The following GREB1 variants were observed in gnomAD, a reference collection of about 807,000 sequenced individuals.
GREB1 encodes the protein protein GREB1.
In GREB1, 106 loss-of-function variants were observed where a neutral mutation model predicts 200.7. The ratio of observed to expected loss-of-function variants is 0.53; its 90% CI spans 0.45 to 0.62. The LOEUF is 0.62. Ranked by LOEUF, GREB1 falls within the 20% of genes least tolerant of loss-of-function variation. GREB1 has a pLI of 0.00. For synonymous variants in GREB1, 1,132 were observed against 1,092.4 expected (o/e 1.04, Z -0.72); for missense variants, 2,243 against 2,556.8 (o/e 0.88, Z 2.65).
Position 11,618,762 on chromosome 2 carries a change from G to T in GREB1, c.3887G>T (p.Arg1296Leu). The T allele has an allele frequency of 1.2e-6, 2 of 1,612,786 alleles. No individual in the cohort carries two copies. The highest frequency in any genetic ancestry group is 8.5e-7 in the Non-Finnish European group (1 of 1,179,790). ...TCGGTCATGTGGGCCAGCTCTTTCC[G>T]CCCCCTGCTCAGCAAGACCATGACA... Reference protein sequence around the residue: ...SPSVMWASSFRPLLSKTMTST... With the variant: ...SPSVMWASSFLPLLSKTMTST... The change falls in exon 22 of 33, where the codon CGC (arginine) becomes CTC (leucine). Residue 1296 changes from arginine to leucine, a missense_variant. Physicochemically the swap from Arg to Leu is moderately radical, Grantham distance 102 (BLOSUM62 -2). Transcript: ENST00000381486.
At chr2:11,600,493 T>A (rs1366018500) in intron 15 of GREB1, among the ~76,000 whole-genome samples, 1 of 152,208 alleles carries the variant, frequency 6.6e-6, no homozygotes, top group Non-Finnish European at 1.5e-5. Flanking sequence ...AAATGATTCA[T>A]GGAACATCCC....
At chr2:11,588,000 T>C in intron 9 of GREB1, 1 of 890,732 alleles carries the variant, frequency 1.1e-6, no homozygotes, top group Non-Finnish European at 1.3e-6. Flanking sequence ...CCGAGGCGGG[T>C]AGATCACTTT....
intron 1 of GREB1, among the ~76,000 whole-genome samples, chr2:11,552,578 G>A (rs563164505): frequency 6.6e-6 from 1 of 152,274 alleles, no homozygotes; most frequent in East Asian, 1.9e-4. Flanking sequence ...GTACCTCCGC[G>A]GCAGGACCGG....
intron 1 of GREB1, among the ~76,000 whole-genome samples, chr2:11,534,630 T>G (rs1166771524): frequency 6.6e-6 from 1 of 152,154 alleles, no homozygotes; most frequent in African/African-American, 2.4e-5. Context: ...CCGTGAGAGC[T>G]CCTCTTGTGT....
At chr2:11,626,798 C>T (rs1224260162) in intron 24 of GREB1, among the ~76,000 whole-genome samples, 164 bp from the exon 25 acceptor site, 2 of 152,156 alleles carry the variant, frequency 1.3e-5, no homozygotes. Flanking sequence ...TCTCCTTTGA[C>T]CAGCTGTCAC....
At chr2:11,632,303 A>G (rs1010209911) in intron 27 of GREB1, among the ~76,000 whole-genome samples, 190 bp downstream of exon 27, 11 of 142,360 alleles carry the variant, frequency 7.7e-5, no homozygotes, top group Non-Finnish European at 6.2e-5. Flanking sequence ...TTGGTTATCC[A>G]TTTAATCGAT....
At chr2:11,494,551 C>CCTGATGCAGCTGCTGACTT (rs1325113195) in intron 1 of GREB1, among the ~76,000 whole-genome samples, 1 of 152,192 alleles carries the variant, frequency 6.6e-6, no homozygotes, top group Non-Finnish European at 1.5e-5. Context: ...GGAGTCCATT[C>CCTGATGCAGCTGCTGACTT]CTGATGCAGC....
intron 1 of GREB1, among the ~76,000 whole-genome samples, chr2:11,543,176 G>C (rs944600219): frequency 6.6e-6 from 1 of 152,140 alleles, no homozygotes; most frequent in African/African-American, 2.4e-5. Context: ...GGGGGGATAA[G>C]AGACTAAATG....
Position 11,633,144 on chromosome 2 carries a change from G to A in GREB1, c.4991+81G>A. 7.2e-7 allele frequency: 1 copy of A among 1,393,818 alleles called. No individual in the cohort carries two copies. Among genetic ancestry groups the A allele is most frequent in the South Asian group, 1.2e-5 (1 of 83,042 alleles). 86.3% of individuals were successfully genotyped at this position (1,393,818 alleles called of 1,614,324 possible). On this transcript the variant is annotated intron_variant, in intron 28 of 32. Coordinates refer to ENST00000381486, the MANE Select transcript of GREB1 (RefSeq NM_014668.4). The surrounding 1 kb of genome is among the most constrained non-coding windows in gnomAD (Gnocchi z 4.1). ...TGTGCCCTCTTTGTATGGGGAATGT[G>A]CCCACCCCTGGAAGACCGGAGGGCC... is the stretch of plus-strand genomic sequence containing the variant.
chr2:11,483,017 C>G (rs1195329100), intron 1 of GREB1, among the ~76,000 whole-genome samples: 9 of 151,336 alleles, frequency 5.9e-5, no homozygotes, highest in Non-Finnish European at 1.3e-4. Context: ...CGGGGCTGTG[C>G]GGGGCTGCTC....
chr2:11,585,524 G>A (rs1213281568), intron 8 of GREB1, among the ~76,000 whole-genome samples: 1 of 152,324 alleles, frequency 6.6e-6, no homozygotes, highest in Admixed American at 6.5e-5. Context: ...TTTTAAAAGG[G>A]GCTATTTATG....
chr2:11,483,481 T>C (rs917722363), intron 1 of GREB1, among the ~76,000 whole-genome samples: 1 of 151,268 alleles, frequency 6.6e-6, no homozygotes, highest in Non-Finnish European at 1.5e-5. Flanking sequence ...TTAGGGAGAC[T>C]GTCTGGAGCC....
At position 11,635,356 on chromosome 2, in the gene GREB1, A is replaced by T; in HGVS notation, c.5297A>T (p.Lys1766Met). Residue 1766 changes from lysine (K) to methionine (M), a missense_variant, in exon 30 of 33, where the codon AAG (lysine) becomes ATG (methionine). Lys to Met is a moderately conservative substitution (Grantham distance 95). Transcript: ENST00000381486. Reference protein sequence around the residue: ...LCRFNRFSVMKKQIVVGGHRS... With the variant: ...LCRFNRFSVMMKQIVVGGHRS... Reference sequence around the variant, plus strand: ...CGGTTCAACCGCTTCAGCGTGATGAAGAAGCAGATCGTGGTGGGCGGCCAC... The same window carrying T: ...CGGTTCAACCGCTTCAGCGTGATGATGAAGCAGATCGTGGTGGGCGGCCAC... The T allele has an allele frequency of 6.2e-7, 1 of 1,614,082 alleles. No individual in the cohort carries two copies. Among genetic ancestry groups the T allele is most frequent in the South Asian group, 1.1e-5 (1 of 91,076 alleles).
rs1685762174 is a variant in GREB1 at position 11,640,792 on chromosome 2, C to T, written c.*338C>T. 3 of 240,910 alleles carry T rather than the reference C, an allele frequency of 1.2e-5. No homozygotes were observed. The South Asian group carries it at 2.3e-4, about 19-fold the overall frequency. The allele number at this position is 240,910 out of a possible 1,614,324, so 14.9% of individuals were successfully genotyped here. On this transcript the variant is annotated 3_prime_UTR_variant, in exon 33 of 33. Coordinates refer to ENST00000381486, the MANE Select transcript of GREB1 (RefSeq NM_014668.4). The surrounding 1 kb of genome is among the most constrained non-coding windows in gnomAD (Gnocchi z 4.6). Reference sequence around the variant, plus strand: ...CAAACCTGATTTTTTTCTCTTAGTTCTAAAGAATCTTGGGTTATTTTGTAG... The same window carrying T: ...CAAACCTGATTTTTTTCTCTTAGTTTTAAAGAATCTTGGGTTATTTTGTAG...
At chr2:11,564,466 A>C (rs1709772387) in intron 3 of GREB1, among the ~76,000 whole-genome samples, 1 of 152,084 alleles carries the variant, frequency 6.6e-6, no homozygotes, top group African/African-American at 2.4e-5. Flanking sequence ...GATTGCTTGA[A>C]CCCAGACTTT....
At chr2:11,525,340 A>G (rs1238493068) in intron 1 of GREB1, among the ~76,000 whole-genome samples, 1 of 151,948 alleles carries the variant, frequency 6.6e-6, no homozygotes, top group Non-Finnish European at 1.5e-5. Flanking sequence ...CCCCATCTCT[A>G]CTAAAAATAT....
Position 11,615,281 on chromosome 2 carries a change from G to A in GREB1, c.3313G>A (p.Gly1105Arg), listed in dbSNP as rs1683307553. 1.9e-6 allele frequency: 3 copies of A among 1,584,982 alleles called. No homozygotes were observed. The East Asian group carries it at 6.9e-5, about 36-fold the overall frequency. The part of the protein sequence containing the change: ...SSTDNEDEEL[G>R]TEGSTSEKRS... Reference sequence around the variant, plus strand: ...CACAGACAACGAGGATGAGGAGCTGGGGACAGAAGGTGAGGGATGGCTGCC... The same window carrying A: ...CACAGACAACGAGGATGAGGAGCTGAGGACAGAAGGTGAGGGATGGCTGCC... The change falls in exon 20 of 33, where the codon GGG (glycine) becomes AGG (arginine). Residue 1105 changes from glycine to arginine, a missense_variant. Around this residue, in one of 3 missense-constraint regions of GREB1, gnomAD observed 587 missense variants for 553.1 expected, o/e 1.06. Coordinates refer to ENST00000381486, the MANE Select transcript of GREB1 (RefSeq NM_014668.4).
Position 11,597,713 on chromosome 2 carries a change from C to T in GREB1, c.1955-68C>T, listed in dbSNP as rs921704176. ...CCCCTGGACAGGTCTCACTGATTCT[C>T]TGGCCAAGGGCCTGGCAGTAGCCGT... On this transcript the variant is annotated intron_variant, in intron 13 of 32. Coordinates refer to ENST00000381486, the MANE Select transcript of GREB1 (RefSeq NM_014668.4). The surrounding 1 kb of genome is among the most constrained non-coding windows in gnomAD (Gnocchi z 4.1). The T allele has an allele frequency of 4.2e-6, 6 of 1,438,636 alleles. No homozygotes were observed. The African/African-American group carries it at 7.0e-5, about 17-fold the overall frequency. 89.1% of individuals were successfully genotyped at this position (1,438,636 alleles called of 1,614,324 possible). A position where few individuals can be genotyped will look rare whatever the true frequency, so the allele number is the denominator to read the frequency against.
Position 11,492,396 on chromosome 2 carries a change from T to C in GREB1, c.-159+10015T>C, listed in dbSNP as rs1672791757. Among the ~76,000 whole-genome samples the C allele has an allele frequency of 6.6e-6, 1 of 152,256 alleles. No individual in the cohort carries two copies. The highest frequency in any genetic ancestry group is 1.5e-5 in the Non-Finnish European group (1 of 68,042). ...GTCAGCCATTGAAGACTGAGTCAGC[T>C]GTACTCCTGGCCATGTGTACAGAAT... is the stretch of plus-strand genomic sequence containing the variant. On this transcript the variant is annotated intron_variant, in intron 1 of 2. Transcript: ENST00000628795. This position sits in a 1 kb window ranked among gnomAD's most constrained non-coding sequence, Gnocchi z 4.0.
Sources: gnomAD v4.1 joint callset for allele counts (sites outside exome capture counted in the v4.1 genomes callset) on GRCh38, gnomAD v4.1.1 for gene constraint, gnomAD v4.1.1 regional missense constraint, Gnocchi (gnomAD v3.1) non-coding constraint, MANE v1.5 for transcripts, NCBI Gene and HGNC (gene_info 2026-07-23, HGNC 2026-07-21) for gene names.